Variants in NCAPD3 observed in about 807,000 individuals in gnomAD.
NCAPD3 encodes condensin-2 complex subunit D3.
NCAPD3 carries 105 observed loss-of-function variants against 182.9 expected under a neutral mutation model. That is an observed-to-expected ratio of 0.57 (90% CI 0.49 to 0.68). The LOEUF is 0.68. Ranked by LOEUF, NCAPD3 falls within the 30% of genes least tolerant of loss-of-function variation. NCAPD3 has a pLI of 0.00. For missense variants in NCAPD3, 1,944 were observed against 1,837.0 expected (o/e 1.06, Z -1.07); for synonymous variants, 815 against 679.9 (o/e 1.20, Z -3.09).
chr11:134,159,655 ACTG>A (rs1385761669), intron 29 of NCAPD3, among the ~76,000 whole-genome samples: 1 of 152,194 alleles, frequency 6.6e-6, no homozygotes, highest in Non-Finnish European at 1.5e-5. Context: ...GTCACCAGCT[ACTG>A]CTGCTGCCAG....
intron 1 of NCAPD3, chr11:134,223,219 G>C (rs763774852): frequency 1.2e-4 from 70 of 573,594 alleles, no homozygotes; most frequent in Non-Finnish European, 2.0e-4. Context: ...GTGGGGGATG[G>C]GCTGGCACAG....
intron 19 of NCAPD3, chr11:134,183,249 T>C (rs2135983507): frequency 2.3e-6 from 1 of 444,360 alleles, no homozygotes; most frequent in Non-Finnish European, 4.5e-6. Context: ...GGAAGGCTTG[T>C]GGTTTCATAG....
At chr11:134,167,588 G>A (rs1305515993) in intron 27 of NCAPD3, among the ~76,000 whole-genome samples, 2 of 134,664 alleles carry the variant, frequency 1.5e-5, no homozygotes, top group Non-Finnish European at 3.2e-5. Flanking sequence ...TGAGCTTGGG[G>A]GAGGGGCACA....
At chr11:134,179,844 A>G (rs1280060941) in intron 20 of NCAPD3, among the ~76,000 whole-genome samples, 1 of 152,240 alleles carries the variant, frequency 6.6e-6, no homozygotes, top group African/African-American at 2.4e-5. Context: ...ATTCTAGGGT[A>G]AGAAAGCCAA....
intron 16 of NCAPD3, among the ~76,000 whole-genome samples, chr11:134,187,488 T>A (rs1191209204): frequency 6.6e-6 from 1 of 152,154 alleles, no homozygotes; most frequent in East Asian, 1.9e-4. Flanking sequence ...TCTCCACACC[T>A]CAGTCAACAG....
Position 134,209,172 on chromosome 11 carries a change from A to G in NCAPD3, c.767T>C (p.Leu256Pro). 6.2e-7 allele frequency: 1 copy of G among 1,613,594 alleles called. No homozygotes were observed. The highest frequency in any genetic ancestry group is 1.1e-5 in the South Asian group (1 of 90,914). ...GGCTTGTGTAACATGACATTCATGA[A>G]GAACTGGCTCAAAATTAGTTAATGA... Reference protein sequence around the residue: ...FVSLTNFEPVLHECHVTQARA... With the variant: ...FVSLTNFEPVPHECHVTQARA... Residue 256 changes from leucine to proline, a missense_variant, in exon 6 of 35, where the codon CTT (leucine) becomes CCT (proline). This residue lies in a region of NCAPD3 where 1,803 missense variants were observed against 1,674.6 expected (regional missense o/e 1.08). Coordinates refer to ENST00000534548, the MANE Select transcript of NCAPD3 (RefSeq NM_015261.3).
intron 13 of NCAPD3, among the ~76,000 whole-genome samples, chr11:134,198,453 G>C (rs528875442): frequency 1.3e-5 from 2 of 152,262 alleles, no homozygotes; most frequent in East Asian, 3.9e-4. Flanking sequence ...GATGTCTGAT[G>C]CCTCCCTAAA....
Position 134,177,177 on chromosome 11 carries a change from C to T in NCAPD3, c.3021+42G>A, listed in dbSNP as rs752261493. ...CTCAAATATTCCCTTAAACCAGAAGCAATGGTGAAGGGGAAAGGACAGATT... is the reference window on the plus strand; with the variant it reads ...CTCAAATATTCCCTTAAACCAGAAGTAATGGTGAAGGGGAAAGGACAGATT... On this transcript the variant is annotated intron_variant, in intron 23 of 34. Coordinates refer to ENST00000534548, the MANE Select transcript of NCAPD3 (RefSeq NM_015261.3). 5 of 1,435,908 alleles carry T rather than the reference C, an allele frequency of 3.5e-6. No individual in the cohort carries two copies. In the South Asian group the frequency reaches 5.7e-5, roughly 16 times the overall value. 88.9% of individuals were successfully genotyped at this position (1,435,908 alleles called of 1,614,324 possible). A position where few individuals can be genotyped will look rare whatever the true frequency, so the allele number is the denominator to read the frequency against.
chr11:134,192,961 G>T, intron 15 of NCAPD3, 52 bp from the exon 16 acceptor site: 1 of 1,029,016 alleles, frequency 9.7e-7, no homozygotes, highest in Non-Finnish European at 1.5e-6. Flanking sequence ...AGTCAGGGAA[G>T]TTGTGATCAA....
chr11:134,221,439 T>C (rs938449497), intron 1 of NCAPD3, among the ~76,000 whole-genome samples: 7 of 152,100 alleles, frequency 4.6e-5, no homozygotes, highest in Admixed American at 2.0e-4. Context: ...GTTTGTTACA[T>C]AGGTATACAC....
intron 28 of NCAPD3, among the ~76,000 whole-genome samples, chr11:134,161,277 C>G (rs934318791): frequency 2.0e-5 from 3 of 152,148 alleles, no homozygotes; most frequent in African/African-American, 7.2e-5. Flanking sequence ...GTCAACACAT[C>G]CTGGGTTTGC....
chr11:134,154,920 T>C (rs1285111425), intron 32 of NCAPD3, among the ~76,000 whole-genome samples: 2 of 152,238 alleles, frequency 1.3e-5, no homozygotes, highest in African/African-American at 2.4e-5. Context: ...CTGCTTATTC[T>C]GTTTCGGTGA....
chr11:134,206,411 C>T (rs1316377114), intron 8 of NCAPD3, among the ~76,000 whole-genome samples, 188 bp downstream of exon 8: 1 of 152,156 alleles, frequency 6.6e-6, no homozygotes, highest in Admixed American at 6.5e-5. Flanking sequence ...TAACAGTGCC[C>T]CAGCTGGGAG....
At chr11:134,182,110 C>G (rs1336720219) in intron 19 of NCAPD3, among the ~76,000 whole-genome samples, 1 of 152,174 alleles carries the variant, frequency 6.6e-6, no homozygotes, top group Non-Finnish European at 1.5e-5. Context: ...AGAGTTTCTG[C>G]AATTCTTATG....
chr11:134,176,197 A>C (rs2135973051), intron 24 of NCAPD3, 110 bp downstream of exon 24: 2 of 912,100 alleles, frequency 2.2e-6, no homozygotes, highest in East Asian at 5.0e-5. Flanking sequence ...ACCTACCGAA[A>C]GCTCACTAAA....
chr11:134,168,907 C>T lies in NCAPD3; in HGVS notation c.3239+10G>A. 6.2e-7 allele frequency: 1 copy of T among 1,610,478 alleles called. No homozygotes were observed. The highest frequency in any genetic ancestry group is 8.5e-7 in the Non-Finnish European group (1 of 1,178,076). ...GATACAAGGAGACCAGACTTAGCTG[C>T]TTCACTGACCTCTCTGACTGGGGGA... On this transcript the variant is annotated intron_variant, in intron 25 of 34. Coordinates refer to ENST00000534548, the MANE Select transcript of NCAPD3 (RefSeq NM_015261.3).
chr11:134,177,021 T>C (rs998126999), intron 23 of NCAPD3, among the ~76,000 whole-genome samples, 198 bp downstream of exon 23: 36 of 152,198 alleles, frequency 2.4e-4, no homozygotes, highest in African/African-American at 8.4e-4. Flanking sequence ...CTGAACAAAG[T>C]CCCAAAATGA....
chr11:134,199,518 T>C (rs1391791223), intron 13 of NCAPD3, among the ~76,000 whole-genome samples: 3 of 152,124 alleles, frequency 2.0e-5, no homozygotes, highest in Non-Finnish European at 4.4e-5. Context: ...TTTTGAATTC[T>C]GCTCACTTCC....
At chr11:134,193,277 A>G (rs1944561278) in intron 15 of NCAPD3, among the ~76,000 whole-genome samples, 1 of 152,230 alleles carries the variant, frequency 6.6e-6, no homozygotes, top group Non-Finnish European at 1.5e-5. Context: ...AAAGAAATAA[A>G]CATACTTCTA....
Sources: gnomAD v4.1 joint callset for allele counts (sites outside exome capture counted in the v4.1 genomes callset) on GRCh38, gnomAD v4.1.1 for gene constraint, gnomAD v4.1.1 regional missense constraint, MANE v1.5 for transcripts, NCBI Gene and HGNC (gene_info 2026-07-23, HGNC 2026-07-21) for gene names.